CFAP97D1: variants seen among roughly 807,000 people sequenced by gnomAD.
The protein encoded by CFAP97D1 is CFAP97 domain containing 1.
CFAP97D1 carries 15 observed loss-of-function variants against 20.5 expected under a neutral mutation model. That is an observed-to-expected ratio of 0.73 (90% confidence interval 0.49 to 1.13). The LOEUF (loss-of-function observed/expected upper bound fraction) is 1.13. Among genes scored for constraint, CFAP97D1 ranks in the 50% most tolerant of loss-of-function variants. The pLI is 0.00. For synonymous variants in CFAP97D1, 58 were observed against 71.2 expected (o/e 0.82, Z 0.93); for missense variants, 168 against 202.9 (o/e 0.83, Z 1.04).
At chr17:43,781,060 G>C in intron 1 of CFAP97D1, 59 bp from the exon 2 acceptor site, 3 of 1,339,296 alleles carry the variant, frequency 2.2e-6, no homozygotes, top group Non-Finnish European at 2.1e-6. Flanking sequence ...CTGGTTTTCT[G>C]AGGCCGCTAC....
At chr17:43,782,463 T>C (rs1031330380) in intron 3 of CFAP97D1, among the ~76,000 whole-genome samples, 9 of 152,144 alleles carry the variant, frequency 5.9e-5, no homozygotes, top group African/African-American at 2.2e-4. Context: ...CATAAGAATT[T>C]TGGGGGACAC....
intron 4 of CFAP97D1, among the ~76,000 whole-genome samples, 195 bp downstream of exon 4, chr17:43,783,498 G>A (rs188266388): frequency 1.3e-5 from 2 of 151,566 alleles, no homozygotes; most frequent in Admixed American, 1.3e-4. Context: ...AAACAGCTTG[G>A]TAGCAAAGCC....
intron 1 of CFAP97D1, 137 bp from the exon 2 acceptor site, chr17:43,780,982 C>G: frequency 1.5e-6 from 1 of 654,076 alleles, no homozygotes; most frequent in Admixed American, 3.0e-5. Flanking sequence ...ATAAATCAAA[C>G]CAAACTTCTT....
chr17:43,782,202 T>C (rs1974481553), intron 3 of CFAP97D1, among the ~76,000 whole-genome samples: 1 of 152,342 alleles, frequency 6.6e-6, no homozygotes, highest in African/African-American at 2.4e-5. Context: ...CAAATTGCTA[T>C]AAACTGGTGG....
rs35586550 is a variant in CFAP97D1, at chr17:43,785,424, AT to A, written c.*1059del. 13,709 of 141,338 alleles carry A rather than the reference AT, an allele frequency of 0.097. 637 individuals are homozygous for A. The highest frequency in any genetic ancestry group is 0.15 in the Middle Eastern group (40 of 274). The allele number at this position is 141,338 out of a possible 1,614,324, so 8.8% of individuals were successfully genotyped here. A position where few individuals can be genotyped will look rare whatever the true frequency, so the allele number is the denominator to read the frequency against. On this transcript the variant is annotated 3_prime_UTR_variant, in exon 6 of 6. Coordinates refer to ENST00000449302, the MANE Select transcript of CFAP97D1 (RefSeq NM_001136483.3). Reference sequence around the variant, plus strand: ...CAGAAATTCTAGGGAAGGAGTAGTAATTTTTTTTTTTTTTTTTGAGATGAAA... The same window carrying A: ...CAGAAATTCTAGGGAAGGAGTAGTAATTTTTTTTTTTTTTTTGAGATGAAA...
At position 43,781,766 on chromosome 17, in the gene CFAP97D1, C is replaced by T. The variant is rs73320304; in HGVS notation, c.196-8C>T. On this transcript the variant is annotated splice_polypyrimidine_tract_variant and splice_region_variant and intron_variant, in intron 2 of 5. Transcript: ENST00000449302. ...GTGTCACCATGGTGAGGTGTGGTTT[C>T]TTACCAGGGTGAACAAAAGAAAATC... 742 of 1,538,434 alleles carry T rather than the reference C, an allele frequency of 4.8e-4. 5 individuals carry two copies. The African/African-American group carries it at 9.2e-3, about 19-fold the overall frequency.
rs553917395 is a variant in CFAP97D1, at chr17:43,786,772, G to A, written c.*2390G>A. ...TAGTTCATGGTATTACGTAAATGGC[G>A]TCATGCAATGTATGTTCATCCTTTT... On this transcript the variant is annotated 3_prime_UTR_variant, in exon 6 of 6. Coordinates refer to ENST00000449302, the MANE Select transcript of CFAP97D1 (RefSeq NM_001136483.3). 3.3e-5 allele frequency: 5 copies of A among 152,126 alleles called. No homozygotes were observed. The highest frequency in any genetic ancestry group is 7.2e-5 in the African/African-American group (3 of 41,414). 9.4% of individuals were successfully genotyped at this position (152,126 alleles called of 1,614,324 possible). A position where few individuals can be genotyped will look rare whatever the true frequency, so the allele number is the denominator to read the frequency against.
intron 3 of CFAP97D1, chr17:43,782,886 C>T (rs1411494063): frequency 3.3e-6 from 1 of 298,746 alleles, no homozygotes; most frequent in Non-Finnish European, 6.3e-6. Context: ...CATTATAATC[C>T]TTGGGGAATT....
rs1207897945 is a variant in CFAP97D1, at chr17:43,783,256, G to T, written c.391G>T (p.Asp131Tyr). ...ENQGILKRLVDRKPHYDRRAS... is the reference protein window; with the variant it reads ...ENQGILKRLVYRKPHYDRRAS... ...CCAGGGCATTCTGAAGAGGCTTGTT[G>T]ATCGCAAACCCCACTATGACCGCAG... The change falls in exon 4 of 6, where the codon GAT becomes TAT. Residue 131 changes from aspartate to tyrosine, a missense_variant. Physicochemically the swap from Asp to Tyr is radical, Grantham distance 160. Coordinates refer to ENST00000449302, the MANE Select transcript of CFAP97D1 (RefSeq NM_001136483.3). 7.1e-6 allele frequency: 11 copies of T among 1,551,268 alleles called. No homozygotes were observed. Among genetic ancestry groups the T allele is most frequent in the Non-Finnish European group, 9.6e-6 (11 of 1,146,832 alleles).
chr17:43,782,338 G>A (rs4792915), intron 3 of CFAP97D1, among the ~76,000 whole-genome samples: 15,569 of 152,128 alleles, frequency 0.1, 993 homozygotes, highest in African/African-American at 0.17. Flanking sequence ...GTAACCTCAC[G>A]GGGCAGAAGG....
At chr17:43,781,632 C>A in intron 2 of CFAP97D1, 142 bp from the exon 3 acceptor site, 2 of 661,262 alleles carry the variant, frequency 3.0e-6, no homozygotes, top group South Asian at 1.9e-5. Flanking sequence ...GCCGCCCAGT[C>A]TTTTAAGTTC....
intron 1 of CFAP97D1, among the ~76,000 whole-genome samples, chr17:43,780,898 G>A (rs1974465610): frequency 6.6e-6 from 1 of 152,148 alleles, no homozygotes; most frequent in Non-Finnish European, 1.5e-5. Context: ...GGATTAGAAG[G>A]ACATTTATCT....
At position 43,785,551 on chromosome 17, in the gene CFAP97D1, A is replaced by G. The variant is rs886613222; in HGVS notation, c.*1169A>G. ...GCGATTCTCCTGCCTCAGCCTCCCA[A>G]GTAGCTGAGACTACAGGCACTCGCC... On this transcript the variant is annotated 3_prime_UTR_variant, in exon 6 of 6. Transcript: ENST00000449302. 1 of 152,108 alleles carries G rather than the reference A, an allele frequency of 6.6e-6. No homozygotes were observed. Among genetic ancestry groups the G allele is most frequent in the Non-Finnish European group, 1.5e-5 (1 of 68,124 alleles). The allele number at this position is 152,108 out of a possible 1,614,324, so 9.4% of individuals were successfully genotyped here.
At chr17:43,781,098 C>T in intron 1 of CFAP97D1, 21 bp from the exon 2 acceptor site, 1 of 1,535,828 alleles carries the variant, frequency 6.5e-7, no homozygotes, top group Non-Finnish European at 8.8e-7. Flanking sequence ...AACATTGTTC[C>T]CTTTTATCCC....
At chr17:43,782,064 C>G (rs1974480185) in intron 3 of CFAP97D1, among the ~76,000 whole-genome samples, 172 bp downstream of exon 3, 1 of 152,186 alleles carries the variant, frequency 6.6e-6, no homozygotes, top group Non-Finnish European at 1.5e-5. Context: ...GGACCTTTCT[C>G]TAGCATTAAA....
chr17:43,783,684 G>A (rs750602243), intron 4 of CFAP97D1, among the ~76,000 whole-genome samples, 153 bp from the exon 5 acceptor site: 17 of 151,736 alleles, frequency 1.1e-4, no homozygotes, highest in Non-Finnish European at 2.1e-4. Flanking sequence ...CCTTAAAAAG[G>A]CCAGGGGAGG....
rs1207193266 is a variant in CFAP97D1 at position 43,783,317 on chromosome 17, CATGTT to C, written c.438+17_438+21del. ...ATAGACTGGCAGGCACGTGGGCACT[CATGTT>C]ATACTCCCAGACACACACAGAGTTT... On this transcript the variant is annotated intron_variant, in intron 4 of 5. Coordinates refer to ENST00000449302, the MANE Select transcript of CFAP97D1 (RefSeq NM_001136483.3). 129 of 1,550,996 alleles carry C rather than the reference CATGTT, an allele frequency of 8.3e-5. No individual in the cohort carries two copies. In the Middle Eastern group the frequency reaches 2.3e-3, roughly 28 times the overall value.
At chr17:43,782,311 A>T (rs897444265) in intron 3 of CFAP97D1, among the ~76,000 whole-genome samples, 2 of 152,232 alleles carry the variant, frequency 1.3e-5, no homozygotes, top group Non-Finnish European at 2.9e-5. Context: ...TGCTTCATAG[A>T]CAACCATCTT....
Position 43,781,140 on chromosome 17 carries a change from A to G in CFAP97D1, c.146A>G (p.Lys49Arg). Residue 49 changes from lysine to arginine, a missense_variant, in exon 2 of 6, where the codon AAA (lysine) becomes AGA (arginine). Transcript: ENST00000449302. ...IQIAKPTVDT[K>R]PPVAHTNHIL... ...CTAGCGAAGCCTACTGTTGATACCA[A>G]ACCTCCAGTGGCGCACACAAATCAC... 1.9e-6 allele frequency: 3 copies of G among 1,551,566 alleles called. No homozygotes were observed. Among genetic ancestry groups the G allele is most frequent in the Non-Finnish European group, 2.6e-6 (3 of 1,146,910 alleles).
Sources: gnomAD v4.1 joint callset for allele counts (sites outside exome capture counted in the v4.1 genomes callset) on GRCh38, gnomAD v4.1.1 for gene constraint, MANE v1.5 for transcripts, NCBI Gene and HGNC (gene_info 2026-07-23, HGNC 2026-07-21) for gene names.